Variants in ST6GALNAC5 observed in about 807,000 individuals in gnomAD.
The protein encoded by ST6GALNAC5 is ST6 N-acetylgalactosaminide alpha-2,6-sialyltransferase 5.
In ST6GALNAC5, 27 loss-of-function variants were observed where a neutral mutation model predicts 33.6. That is an observed-to-expected ratio of 0.80 (90% CI 0.59 to 1.11). The LOEUF (loss-of-function observed/expected upper bound fraction) is 1.11, where lower values mean the gene tolerates loss of function less well. Among genes scored for constraint, ST6GALNAC5 ranks in the 50% least tolerant of loss-of-function variants. The pLI is 0.00. For synonymous variants in ST6GALNAC5, 194 were observed against 171.2 expected, an observed-to-expected ratio of 1.13 and a Z score of -1.04; for missense variants, 428 against 454.0, an observed-to-expected ratio of 0.94 and a Z score of 0.52.
In ST6GALNAC5 at chr1:76,868,015, T is replaced by A. The variant is rs889574724; in HGVS notation, c.15+325T>A. On this transcript the variant is annotated intron_variant, in intron 1 of 4. Transcript: ENST00000477717. This position sits in a 1 kb window ranked among gnomAD's most constrained non-coding sequence, Gnocchi z 4.3. ...ATGGGGGTGCCCAAAAGCAACAGCCTGCCAAAAACTAAGAGGGACGGGGAG... is the reference window on the plus strand; with the variant it reads ...ATGGGGGTGCCCAAAAGCAACAGCCAGCCAAAAACTAAGAGGGACGGGGAG... Among the ~76,000 whole-genome samples, 6 of 152,184 alleles carry A rather than the reference T, an allele frequency of 3.9e-5. No homozygotes were observed. Among genetic ancestry groups the A allele is most frequent in the Middle Eastern group, 3.4e-3 (1 of 292 alleles).
chr1:77,032,314 T>C (rs187252379), intron 2 of ST6GALNAC5, among the ~76,000 whole-genome samples: 1 of 152,310 alleles, frequency 6.6e-6, no homozygotes, highest in Non-Finnish European at 1.5e-5. Flanking sequence ...AAAGCCACTC[T>C]GGCTGGTATG....
At chr1:76,945,361 G>T (rs181348990) in intron 2 of ST6GALNAC5, among the ~76,000 whole-genome samples, 2 of 151,884 alleles carry the variant, frequency 1.3e-5, no homozygotes, top group South Asian at 2.1e-4. Flanking sequence ...TAGTAGGAAC[G>T]CAATAAAACA....
intron 2 of ST6GALNAC5, among the ~76,000 whole-genome samples, chr1:76,895,688 G>C (rs931638090): frequency 3.3e-5 from 5 of 152,304 alleles, no homozygotes; most frequent in Admixed American, 3.3e-4. Flanking sequence ...TGATGGCTTG[G>C]AGAAACAGTG....
intron 2 of ST6GALNAC5, among the ~76,000 whole-genome samples, chr1:76,933,387 A>G (rs1032940966): frequency 6.6e-6 from 1 of 152,082 alleles, no homozygotes; most frequent in African/African-American, 2.4e-5. Context: ...TGTTGTATGC[A>G]TGCAGAGGGG....
At chr1:76,875,924 G>A (rs1255500784) in intron 2 of ST6GALNAC5, among the ~76,000 whole-genome samples, 2 of 152,146 alleles carry the variant, frequency 1.3e-5, no homozygotes, top group East Asian at 1.9e-4. Flanking sequence ...GGATGATGGG[G>A]AACATGGTAA....
At chr1:76,988,763 A>G (rs1438776081) in intron 2 of ST6GALNAC5, among the ~76,000 whole-genome samples, 1 of 151,830 alleles carries the variant, frequency 6.6e-6, no homozygotes, top group African/African-American at 2.4e-5. Context: ...TCTAACTCAC[A>G]TTTTTCTAGT....
chr1:77,051,294 C>G (rs1442554785), intron 4 of ST6GALNAC5, among the ~76,000 whole-genome samples: 2 of 152,166 alleles, frequency 1.3e-5, no homozygotes, highest in African/African-American at 4.8e-5. Flanking sequence ...CATTTTACCA[C>G]TTTTCTCTCT....
At chr1:77,026,081 G>C (rs1651221030) in intron 2 of ST6GALNAC5, among the ~76,000 whole-genome samples, 1 of 152,210 alleles carries the variant, frequency 6.6e-6, no homozygotes, top group Non-Finnish European at 1.5e-5. Context: ...AACTCACTGG[G>C]TGACCTTGGG....
intron 2 of ST6GALNAC5, among the ~76,000 whole-genome samples, chr1:77,008,843 C>A (rs1006684147): frequency 1.1e-4 from 17 of 152,140 alleles, no homozygotes; most frequent in African/African-American, 4.1e-4. Context: ...AGGCTGTTAT[C>A]TTAATAAATG....
At chr1:77,016,374 T>C (rs1209964808) in intron 2 of ST6GALNAC5, among the ~76,000 whole-genome samples, 1 of 151,082 alleles carries the variant, frequency 6.6e-6, no homozygotes, top group African/African-American at 2.4e-5. Context: ...AAAATAGTTA[T>C]TTATTTTTTA....
chr1:76,951,072 G>A (rs937295686), intron 2 of ST6GALNAC5, among the ~76,000 whole-genome samples: 1 of 152,088 alleles, frequency 6.6e-6, no homozygotes, highest in Non-Finnish European at 1.5e-5. Flanking sequence ...ACTGTTAAGA[G>A]TCTCTTTGTG....
Position 76,939,779 on chromosome 1 carries a change from G to C in ST6GALNAC5, c.261+71037G>C, listed in dbSNP as rs1466548531. 2.0e-5 allele frequency among the ~76,000 whole-genome samples: 3 copies of C among 152,226 alleles called. No homozygotes were observed. In the East Asian group the frequency reaches 5.8e-4, roughly 30 times the overall value. ...GTGCCAGGCACTGTGCTAGGCACTTGAGAGACAGAATACAGCAAGACAAAC... is the reference window on the plus strand; with the variant it reads ...GTGCCAGGCACTGTGCTAGGCACTTCAGAGACAGAATACAGCAAGACAAAC... On this transcript the variant is annotated intron_variant, in intron 2 of 4. Coordinates refer to ENST00000477717, the MANE Select transcript of ST6GALNAC5 (RefSeq NM_030965.3).
intron 2 of ST6GALNAC5, among the ~76,000 whole-genome samples, chr1:77,035,191 C>T (rs1258593824): frequency 6.6e-6 from 1 of 152,170 alleles, no homozygotes; most frequent in Non-Finnish European, 1.5e-5. Context: ...GGGAACCACA[C>T]TGTGAGAATT....
At chr1:76,953,018 C>A (rs1647814300) in intron 2 of ST6GALNAC5, among the ~76,000 whole-genome samples, 1 of 152,064 alleles carries the variant, frequency 6.6e-6, no homozygotes, top group Admixed American at 6.6e-5. Context: ...TTGCATGTAT[C>A]ATTTCTTTTA....
intron 2 of ST6GALNAC5, among the ~76,000 whole-genome samples, chr1:76,950,144 T>A (rs1647684670): frequency 6.6e-6 from 1 of 151,972 alleles, no homozygotes; most frequent in Admixed American, 6.6e-5. Context: ...CCCAGAGAGG[T>A]TGATTAAGCC....
chr1:76,886,872 G>A (rs1043407119), intron 2 of ST6GALNAC5, among the ~76,000 whole-genome samples: 1 of 152,160 alleles, frequency 6.6e-6, no homozygotes, highest in Admixed American at 6.5e-5. Context: ...GTTGTAGCAT[G>A]TATCAGAACT....
intron 2 of ST6GALNAC5, among the ~76,000 whole-genome samples, chr1:76,968,432 G>A (rs958992386): frequency 8.6e-5 from 13 of 152,034 alleles, no homozygotes; most frequent in African/African-American, 3.1e-4. Flanking sequence ...CCATTTGCTT[G>A]GTAGATCTTC....
chr1:77,029,422 C>T (rs1651369081), intron 2 of ST6GALNAC5, among the ~76,000 whole-genome samples: 1 of 152,220 alleles, frequency 6.6e-6, no homozygotes, highest in African/African-American at 2.4e-5. Context: ...GGCTCTGTCA[C>T]GTTCAATGTG....
chr1:76,881,564 T>G (rs1653779970), intron 2 of ST6GALNAC5, among the ~76,000 whole-genome samples: 2 of 152,198 alleles, frequency 1.3e-5, no homozygotes, highest in South Asian at 4.2e-4. Flanking sequence ...AACCAGGCAT[T>G]TTTTTTTCTC....
Sources: gnomAD v4.1 joint callset for allele counts (sites outside exome capture counted in the v4.1 genomes callset) on GRCh38, gnomAD v4.1.1 for gene constraint, Gnocchi (gnomAD v3.1) non-coding constraint, MANE v1.5 for transcripts, NCBI Gene and HGNC (gene_info 2026-07-23, HGNC 2026-07-21) for gene names.